Variants in QTMAN observed in about 807,000 individuals in gnomAD.
The protein encoded by QTMAN is queuosine-tRNA mannosyltransferase.
At chr2:144,230,088 A>G in the QTMAN span, among the ~76,000 whole-genome samples, 2 of 152,180 alleles carry the variant, frequency 1.3e-5, no homozygotes, top group African/African-American at 4.8e-5. Flanking sequence ...ATTTTCAGTT[A>G]TCTCCTTTCA....
chr2:144,002,332 TC>T, the QTMAN span, among the ~76,000 whole-genome samples: 42 of 152,096 alleles, frequency 2.8e-4, no homozygotes, highest in African/African-American at 8.7e-4. Flanking sequence ...AAACTAGTTG[TC>T]TTTTCATGAA....
the QTMAN span, among the ~76,000 whole-genome samples, chr2:144,312,806 C>A: frequency 4.6e-5 from 7 of 152,182 alleles, no homozygotes; most frequent in Admixed American, 6.5e-5. Flanking sequence ...GCAAGTTCCT[C>A]CTTCACTCAC....
At chr2:144,122,022 A>C in the QTMAN span, among the ~76,000 whole-genome samples, 2 of 152,236 alleles carry the variant, frequency 1.3e-5, no homozygotes, top group African/African-American at 4.8e-5. Flanking sequence ...TGTAAAATAA[A>C]GGGATTTGTA....
At chr2:144,278,789 C>T in the QTMAN span, among the ~76,000 whole-genome samples, 2 of 151,944 alleles carry the variant, frequency 1.3e-5, no homozygotes, top group Non-Finnish European at 2.9e-5. Context: ...GTCACCTAGA[C>T]CGTTAATATA....
chr2:144,018,117 T>C, the QTMAN span, among the ~76,000 whole-genome samples: 7,854 of 152,226 alleles, frequency 0.052, 328 homozygotes, highest in African/African-American at 0.11. Flanking sequence ...TTATATTCCT[T>C]CATTTTTCTG....
At chr2:143,988,486 A>T in the QTMAN span, among the ~76,000 whole-genome samples, 1 of 152,244 alleles carries the variant, frequency 6.6e-6, no homozygotes, top group Non-Finnish European at 1.5e-5. Context: ...AACACAGATT[A>T]ATAATAGCAG....
the QTMAN span, among the ~76,000 whole-genome samples, chr2:144,200,522 C>T: frequency 6.6e-6 from 1 of 152,110 alleles, no homozygotes; most frequent in African/African-American, 2.4e-5. Context: ...AGCTGATGAG[C>T]TTAAAAAGAA....
chr2:144,326,383 T>G, the QTMAN span, among the ~76,000 whole-genome samples: 22 of 152,018 alleles, frequency 1.4e-4, no homozygotes, highest in East Asian at 3.9e-3. Flanking sequence ...GTCAGTAGAT[T>G]GAGACCATCC....
At chr2:144,124,129 C>T in the QTMAN span, among the ~76,000 whole-genome samples, 3 of 152,068 alleles carry the variant, frequency 2.0e-5, no homozygotes, top group Admixed American at 1.3e-4. Flanking sequence ...CTAGTAGAAG[C>T]GTTCTAAATT....
chr2:144,166,321 A>C, the QTMAN span, among the ~76,000 whole-genome samples: 1 of 152,202 alleles, frequency 6.6e-6, no homozygotes, highest in Admixed American at 6.5e-5. Flanking sequence ...CCCTGCAAGA[A>C]GGCTTTCCAG....
the QTMAN span, among the ~76,000 whole-genome samples, chr2:144,236,232 T>C: frequency 6.6e-6 from 1 of 152,038 alleles, no homozygotes; most frequent in African/African-American, 2.4e-5. Context: ...GCATTCCAGG[T>C]TTGGGGGTTC....
the QTMAN span, among the ~76,000 whole-genome samples, chr2:144,197,212 C>T: frequency 0.14 from 20,666 of 151,932 alleles, 2,117 homozygotes; most frequent in African/African-American, 0.29. Flanking sequence ...GTAGTAAAAA[C>T]AGGCAATTAT....
chr2:143,997,060 A>G, the QTMAN span, among the ~76,000 whole-genome samples: 20 of 152,094 alleles, frequency 1.3e-4, no homozygotes, highest in Admixed American at 3.9e-4. Flanking sequence ...CCACAAGTGA[A>G]AAAACTGGTA....
At chr2:144,233,903 T>G in the QTMAN span, among the ~76,000 whole-genome samples, 2 of 152,106 alleles carry the variant, frequency 1.3e-5, no homozygotes, top group South Asian at 4.1e-4. Context: ...CCAAGTCATA[T>G]AGTTACCTGT....
At chr2:144,151,337 A>G in the QTMAN span, among the ~76,000 whole-genome samples, 3 of 152,142 alleles carry the variant, frequency 2.0e-5, no homozygotes, top group African/African-American at 4.8e-5. Context: ...TCATGTCCAT[A>G]AAGTTTTGAA....
chr2:144,072,659 C>A, the QTMAN span, among the ~76,000 whole-genome samples: 6 of 152,162 alleles, frequency 3.9e-5, no homozygotes, highest in South Asian at 1.2e-3. Context: ...AAAACCTTGA[C>A]AGAAATCCAC....
chr2:144,301,145 C>T, the QTMAN span, among the ~76,000 whole-genome samples: 1 of 152,234 alleles, frequency 6.6e-6, no homozygotes, highest in East Asian at 1.9e-4. Flanking sequence ...TTTTACATTT[C>T]AATTACCATT....
chr2:143,952,159 A>G, the QTMAN span: 7 of 795,590 alleles, frequency 8.8e-6, no homozygotes, highest in Non-Finnish European at 1.6e-5. Flanking sequence ...TTAAAAATGC[A>G]TATTGCTCTG....
chr2:144,148,947 T>C, the QTMAN span, among the ~76,000 whole-genome samples: 3 of 151,924 alleles, frequency 2.0e-5, no homozygotes, highest in Admixed American at 6.6e-5. Context: ...TCTTTGCTTT[T>C]CTTGCTCGTA....
Sources: allele counts gnomAD v4.1 joint callset (sites outside exome capture counted in the v4.1 genomes callset), GRCh38; gene constraint gnomAD v4.1.1; transcripts MANE v1.5; gene names NCBI Gene and HGNC (gene_info 2026-07-23, HGNC 2026-07-21).